CHST11: variants seen among roughly 807,000 people sequenced by gnomAD.
CHST11 encodes the protein carbohydrate sulfotransferase 11.
CHST11 carries 9 observed loss-of-function variants against 30.4 expected under a neutral mutation model. The observed-to-expected ratio is 0.30, with a 90% CI of 0.18 to 0.52. CHST11 has a LOEUF of 0.52. CHST11 is among the 20% of genes least tolerant of loss of function. CHST11 has a pLI of 0.97. For synonymous variants in CHST11, 152 were observed against 187.8 expected, an observed-to-expected ratio of 0.81 and a Z score of 1.56; for missense variants, 348 against 460.6, an observed-to-expected ratio of 0.76 and a Z score of 2.24.
intron 2 of CHST11, among the ~76,000 whole-genome samples, chr12:104,714,648 C>T (rs1285475618): frequency 1.3e-5 from 2 of 152,156 alleles, no homozygotes; most frequent in African/African-American, 4.8e-5. Context: ...TTCACCCTGG[C>T]ACCACATGGG....
At chr12:104,509,573 G>C (rs939644148) in intron 1 of CHST11, among the ~76,000 whole-genome samples, 2 of 152,136 alleles carry the variant, frequency 1.3e-5, no homozygotes, top group Non-Finnish European at 2.9e-5. Flanking sequence ...TATACCTGTT[G>C]AACATTGATA....
intron 2 of CHST11, among the ~76,000 whole-genome samples, chr12:104,653,062 T>C (rs1270341708): frequency 6.6e-6 from 1 of 152,210 alleles, no homozygotes; most frequent in African/African-American, 2.4e-5. Context: ...TAGAGCTCAG[T>C]ACCTTCACAC....
At chr12:104,616,511 T>G (rs1198286156) in intron 2 of CHST11, among the ~76,000 whole-genome samples, 1 of 151,354 alleles carries the variant, frequency 6.6e-6, no homozygotes, top group African/African-American at 2.4e-5. Flanking sequence ...TGTCGCCTAG[T>G]CTGGAGTGCA....
intron 2 of CHST11, among the ~76,000 whole-genome samples, chr12:104,621,396 C>T (rs1038332955): frequency 6.6e-6 from 1 of 152,256 alleles, no homozygotes; most frequent in Non-Finnish European, 1.5e-5. Context: ...ACAGTCACGG[C>T]TTCCCAAGCT....
chr12:104,634,180 C>T (rs1463248744), intron 2 of CHST11, among the ~76,000 whole-genome samples: 1 of 152,196 alleles, frequency 6.6e-6, no homozygotes, highest in Non-Finnish European at 1.5e-5. Flanking sequence ...GTCTTCTCCA[C>T]TAGACTGGAA....
intron 1 of CHST11, among the ~76,000 whole-genome samples, chr12:104,591,327 G>C (rs1179276123): frequency 2.6e-5 from 4 of 152,124 alleles, no homozygotes; most frequent in Non-Finnish European, 4.4e-5. Context: ...GTAGAGAATA[G>C]AGTAGGGAGG....
intron 2 of CHST11, among the ~76,000 whole-genome samples, chr12:104,740,928 T>C (rs2040341609): frequency 6.6e-6 from 1 of 152,238 alleles, no homozygotes; most frequent in Non-Finnish European, 1.5e-5. Flanking sequence ...CCACTTTCAC[T>C]ATGATTGAGA....
chr12:104,661,573 C>T (rs1156663701), intron 2 of CHST11, among the ~76,000 whole-genome samples: 3 of 152,130 alleles, frequency 2.0e-5, no homozygotes, highest in Non-Finnish European at 4.4e-5. Context: ...AGTGCAGTGG[C>T]ACCATCGCTG....
intron 2 of CHST11, among the ~76,000 whole-genome samples, chr12:104,613,117 C>T (rs1428163623): frequency 6.6e-6 from 1 of 151,544 alleles, no homozygotes; most frequent in East Asian, 1.9e-4. Context: ...CCCAGGTACC[C>T]GAGAGACTGA....
At chr12:104,478,205 G>A (rs1437736879) in intron 1 of CHST11, among the ~76,000 whole-genome samples, 4 of 152,048 alleles carry the variant, frequency 2.6e-5, no homozygotes, top group Non-Finnish European at 4.4e-5. Flanking sequence ...AAACACACAC[G>A]GCAGATGGAG....
intron 2 of CHST11, among the ~76,000 whole-genome samples, chr12:104,604,385 GA>G (rs2038983858): frequency 6.6e-6 from 1 of 152,180 alleles, no homozygotes; most frequent in Admixed American, 6.5e-5. Context: ...GTAGCTGCAG[GA>G]AAATCACCTC....
intron 1 of CHST11, among the ~76,000 whole-genome samples, chr12:104,576,978 G>A (rs2038689010): frequency 6.6e-6 from 1 of 152,022 alleles, no homozygotes; most frequent in Admixed American, 6.5e-5. Flanking sequence ...TTGCAGGGGT[G>A]AGGGTGCCAG....
At chr12:104,619,153 A>C (rs1290502621) in intron 2 of CHST11, among the ~76,000 whole-genome samples, 1 of 152,176 alleles carries the variant, frequency 6.6e-6, no homozygotes, top group East Asian at 1.9e-4. Flanking sequence ...ATTCAGTGAA[A>C]TGGGAGCAAG....
intron 2 of CHST11, among the ~76,000 whole-genome samples, chr12:104,720,623 G>T (rs2040167771): frequency 6.6e-6 from 1 of 152,210 alleles, no homozygotes; most frequent in African/African-American, 2.4e-5. Context: ...ACGTGCTGCG[G>T]TCGGCAGCCA....
At chr12:104,484,794 T>C (rs1300944260) in intron 1 of CHST11, among the ~76,000 whole-genome samples, 4 of 152,128 alleles carry the variant, frequency 2.6e-5, no homozygotes, top group Admixed American at 2.0e-4. Context: ...ACCTAATGAA[T>C]GTTGGCAGGT....
chr12:104,623,484 G>T (rs1319071869), intron 2 of CHST11, among the ~76,000 whole-genome samples: 1 of 152,230 alleles, frequency 6.6e-6, no homozygotes, highest in Non-Finnish European at 1.5e-5. Flanking sequence ...GCCGAGGCAG[G>T]TGGATCACCT....
intron 1 of CHST11, among the ~76,000 whole-genome samples, chr12:104,478,676 G>A (rs1381582555): frequency 6.6e-6 from 1 of 152,206 alleles, no homozygotes; most frequent in East Asian, 1.9e-4. Flanking sequence ...GCATGGAGGT[G>A]CTTGCCTGGG....
At chr12:104,647,416 A>G (rs994103522) in intron 2 of CHST11, among the ~76,000 whole-genome samples, 22 of 152,228 alleles carry the variant, frequency 1.4e-4, no homozygotes, top group African/African-American at 5.1e-4. Flanking sequence ...AAAAATGATC[A>G]TTTTGGAAAA....
chr12:104,661,266 C>T (rs2039595576), intron 2 of CHST11, among the ~76,000 whole-genome samples: 1 of 152,108 alleles, frequency 6.6e-6, no homozygotes, highest in African/African-American at 2.4e-5. Context: ...GTGGCTCACA[C>T]CTGTAATCCT....
Sources: gnomAD v4.1 joint callset for allele counts (sites outside exome capture counted in the v4.1 genomes callset) on GRCh38, gnomAD v4.1.1 for gene constraint, MANE v1.5 for transcripts, NCBI Gene and HGNC (gene_info 2026-07-23, HGNC 2026-07-21) for gene names.